Variants in RBFOX3 observed in about 807,000 individuals in gnomAD.
The protein encoded by RBFOX3 is RNA binding fox-1 homolog 3.
In RBFOX3, 17 loss-of-function variants were observed where a neutral mutation model predicts 48.7. That is an observed-to-expected ratio of 0.35 (90% confidence interval 0.24 to 0.52). The LOEUF (loss-of-function observed/expected upper bound fraction) is 0.52, where lower values mean the gene tolerates loss of function less well. RBFOX3 is among the 20% of genes least tolerant of loss of function. The pLI is 0.94. For synonymous variants in RBFOX3, 212 were observed against 209.5 expected, an observed-to-expected ratio of 1.01 and a Z score of -0.10; for missense variants, 382 against 497.5, an observed-to-expected ratio of 0.77 and a Z score of 2.21.
chr17:79,186,943 TCTTCCCCAGC>T (rs1320539983), intron 4 of RBFOX3, among the ~76,000 whole-genome samples: 3 of 152,224 alleles, frequency 2.0e-5, no homozygotes, highest in African/African-American at 7.2e-5. Context: ...GCAGGGCGTG[TCTTCCCCAGC>T]TTCCCTGAGC....
At chr17:79,167,263 G>A (rs899992885) in intron 4 of RBFOX3, among the ~76,000 whole-genome samples, 4 of 152,192 alleles carry the variant, frequency 2.6e-5, no homozygotes, top group South Asian at 4.1e-4. Context: ...CTCGGGGAGT[G>A]CTAGGCCCCT....
chr17:79,626,359 T>A, the RBFOX3 span, among the ~76,000 whole-genome samples: 6 of 152,290 alleles, frequency 3.9e-5, no homozygotes, highest in African/African-American at 1.4e-4. Flanking sequence ...AAGCCTTCCT[T>A]CCCAGCTAGG....
intron 4 of RBFOX3, among the ~76,000 whole-genome samples, chr17:79,179,150 A>T (rs914468007): frequency 6.6e-6 from 1 of 152,244 alleles, no homozygotes; most frequent in African/African-American, 2.4e-5. Flanking sequence ...AATCCTGATT[A>T]AAAATGCCTG....
chr17:79,618,974 G>A, the RBFOX3 span, among the ~76,000 whole-genome samples: 2 of 152,212 alleles, frequency 1.3e-5, no homozygotes, highest in Non-Finnish European at 2.9e-5. Context: ...CCAGGAAGGA[G>A]ATGGAGGCAA....
rs189093909 is a variant in RBFOX3, at chr17:79,420,591, A to G, written c.-175+61863T>C. 3.2e-4 allele frequency among the ~76,000 whole-genome samples: 48 copies of G among 152,306 alleles called. No homozygotes were observed. The East Asian group carries it at 6.2e-3, about 20-fold the overall frequency. On this transcript the variant is annotated intron_variant, in intron 2 of 14. Transcript: ENST00000693108. The stretch of plus-strand genomic sequence containing the variant: ...GGTCCACATTCTCACAGGGGTCTCC[A>G]TGGCACCACTGTTAGCAGGCAGGGC...
chr17:79,282,687 C>A (rs1297745701), intron 3 of RBFOX3, among the ~76,000 whole-genome samples: 1 of 152,238 alleles, frequency 6.6e-6, no homozygotes, highest in Non-Finnish European at 1.5e-5. Context: ...ACCTCTGCCA[C>A]GCATCCGCCT....
intron 1 of RBFOX3, chr17:79,603,659 G>A (rs1223994797): frequency 6.6e-6 from 1 of 152,208 alleles, no homozygotes; most frequent in African/African-American, 2.4e-5. Context: ...ATACCCACAG[G>A]GAACAGTTTG....
intron 4 of RBFOX3, among the ~76,000 whole-genome samples, chr17:79,125,950 C>T (rs1191506082): frequency 2.0e-5 from 3 of 152,226 alleles, no homozygotes; most frequent in Non-Finnish European, 4.4e-5. Context: ...GAGGTGAGTC[C>T]ACCCACCTGC....
intron 1 of RBFOX3, among the ~76,000 whole-genome samples, chr17:79,561,428 A>G (rs2092208497): frequency 6.6e-6 from 1 of 152,074 alleles, no homozygotes; most frequent in Non-Finnish European, 1.5e-5. Flanking sequence ...ATTAAGGGTG[A>G]GCAGAGACCA....
At chr17:79,104,217 C>T in intron 6 of RBFOX3, 91 bp from the exon 7 acceptor site, 2 of 1,140,284 alleles carry the variant, frequency 1.8e-6, no homozygotes, top group Admixed American at 4.0e-5. Flanking sequence ...TCCTGAGACG[C>T]TCATGCCTGT....
intron 4 of RBFOX3, among the ~76,000 whole-genome samples, chr17:79,180,645 G>T (rs1329017144): frequency 6.6e-6 from 1 of 152,074 alleles, no homozygotes; most frequent in African/African-American, 2.4e-5. Flanking sequence ...GGGATAAGCG[G>T]GTTCCCAAAC....
intron 1 of RBFOX3, among the ~76,000 whole-genome samples, chr17:79,588,573 C>A (rs936494176): frequency 1.3e-5 from 2 of 152,304 alleles, no homozygotes; most frequent in Admixed American, 6.5e-5. Flanking sequence ...CCCCACACCC[C>A]CTTCACTGCT....
chr17:79,125,876 C>G (rs895886675), intron 4 of RBFOX3, among the ~76,000 whole-genome samples: 5 of 152,234 alleles, frequency 3.3e-5, no homozygotes, highest in Admixed American at 2.6e-4. Flanking sequence ...CGCCAGGCCC[C>G]ATCCGCCGAG....
chr17:79,121,470 C>T lies in RBFOX3; in HGVS notation c.-33-5722G>A, dbSNP rs771284270. On this transcript the variant is annotated intron_variant, in intron 4 of 14. Transcript: ENST00000693108. Reference sequence around the variant, plus strand: ...CCTGTGGCCCCAATTCCCTCACTCCCATTCTCTCTTGGTCCCACTCCAAGC... The same window carrying T: ...CCTGTGGCCCCAATTCCCTCACTCCTATTCTCTCTTGGTCCCACTCCAAGC... Among the ~76,000 whole-genome samples the T allele has an allele frequency of 2.0e-5, 3 of 152,324 alleles. No homozygotes were observed. In the East Asian group the frequency reaches 5.8e-4, roughly 29 times the overall value.
rs552224512 is a variant in RBFOX3, at chr17:79,127,930, C to A, written c.-33-12182G>T. Among the ~76,000 whole-genome samples, 10 of 152,354 alleles carry A rather than the reference C, an allele frequency of 6.6e-5. No homozygotes were observed. In the South Asian group the frequency reaches 1.9e-3, roughly 28 times the overall value. On this transcript the variant is annotated intron_variant, in intron 4 of 14. Transcript: ENST00000693108. ...TGCCCCTGTCACGCTGCCCCCGTCA[C>A]GCTGCTGGTGCGGGCAGGGAGCCCT...
At chr17:79,411,138 TG>T (rs2064268938) in intron 2 of RBFOX3, among the ~76,000 whole-genome samples, 1 of 152,174 alleles carries the variant, frequency 6.6e-6, no homozygotes, top group Admixed American at 6.5e-5. Flanking sequence ...CCAGGCGCTG[TG>T]CCGACGGAGC....
rs145879305 is a variant in RBFOX3 at position 79,288,239 on chromosome 17, G to A, written c.-74+19485C>T. Among the ~76,000 whole-genome samples, 31 of 152,320 alleles carry A rather than the reference G, an allele frequency of 2.0e-4. No individual in the cohort carries two copies. In the East Asian group the frequency reaches 5.2e-3, roughly 26 times the overall value. On this transcript the variant is annotated intron_variant, in intron 3 of 14. Transcript: ENST00000693108. Reference sequence around the variant, plus strand: ...CTCTCGGGGCCAGGGAAGCTCACCAGGACAGGGCTTCTTTGGAAGTCTGTT... The same window carrying A: ...CTCTCGGGGCCAGGGAAGCTCACCAAGACAGGGCTTCTTTGGAAGTCTGTT...
chr17:79,568,123 C>T lies in RBFOX3; in HGVS notation c.-320+42703G>A, dbSNP rs981498815. Among the ~76,000 whole-genome samples the T allele has an allele frequency of 3.9e-5, 6 of 151,964 alleles. 1 individual carries two copies. The Middle Eastern group carries it at 0.02, about 517-fold the overall frequency. On this transcript the variant is annotated intron_variant, in intron 1 of 14. Coordinates refer to ENST00000693108, the MANE Select transcript of RBFOX3 (RefSeq NM_001350451.2). The stretch of plus-strand genomic sequence containing the variant: ...CTGGAAGGAGTGCGGGCTCACCTTT[C>T]CCTCACCCCTGCCAGCCCCCAAGCT...
rs1382616665 is a variant in RBFOX3 at position 79,097,331 on chromosome 17, C to T, written c.716G>A (p.Arg239Gln). 1.3e-6 allele frequency: 2 copies of T among 1,546,772 alleles called. No homozygotes were observed. Among genetic ancestry groups the T allele is most frequent in the Non-Finnish European group, 8.7e-7 (1 of 1,144,758 alleles). ...GATGGGGGGTGGGGGTGGCGCAGCC[C>T]GAAATGTATTATACACGGCCCGGCC... Reference protein sequence around the residue: ...GRGRAVYNTFRAAPPPPPIPT... With the variant: ...GRGRAVYNTFQAAPPPPPIPT... The change falls in exon 11 of 15, where the codon CGG becomes CAG. Residue 239 changes from arginine (R) to glutamine (Q), a missense_variant. Arg to Gln is a conservative substitution (Grantham distance 43). Around this residue, in one of 3 missense-constraint regions of RBFOX3, gnomAD observed 215 missense variants for 254.8 expected, o/e 0.84. Coordinates refer to ENST00000693108, the MANE Select transcript of RBFOX3 (RefSeq NM_001350451.2).
Sources: allele counts gnomAD v4.1 joint callset (sites outside exome capture counted in the v4.1 genomes callset), GRCh38; gene constraint gnomAD v4.1.1; regional missense constraint gnomAD v4.1.1; transcripts MANE v1.5; gene names NCBI Gene and HGNC (gene_info 2026-07-23, HGNC 2026-07-21).